KREMEN1: variants seen among roughly 807,000 people sequenced by gnomAD.
KREMEN1 encodes kringle containing transmembrane protein 1.
A neutral mutation model predicts 46.5 loss-of-function variants in KREMEN1; 30 were observed. The ratio of observed to expected loss-of-function variants is 0.65; its 90% CI spans 0.48 to 0.88. KREMEN1 has a LOEUF of 0.88. Among genes scored for constraint, KREMEN1 ranks in the 40% least tolerant of loss-of-function variants. The pLI, the probability that KREMEN1 is intolerant of heterozygous loss-of-function variation, is 0.00. For synonymous variants in KREMEN1, 214 were observed against 230.6 expected, an observed-to-expected ratio of 0.93 and a Z score of 0.65; for missense variants, 533 against 596.9, an observed-to-expected ratio of 0.89 and a Z score of 1.11.
chr22:29,102,622 T>C (rs1254491500), intron 3 of KREMEN1, among the ~76,000 whole-genome samples: 1 of 152,216 alleles, frequency 6.6e-6, no homozygotes, highest in Admixed American at 6.5e-5. Flanking sequence ...TAGGGACTGA[T>C]TCATGTGGTC....
chr22:29,087,024 A>G (rs1360106081), intron 1 of KREMEN1, among the ~76,000 whole-genome samples: 1 of 152,076 alleles, frequency 6.6e-6, no homozygotes, highest in Non-Finnish European at 1.5e-5. Flanking sequence ...TAGCCTCCCA[A>G]AGTTCTGGGA....
chr22:29,099,019 G>A, intron 3 of KREMEN1, 66 bp downstream of exon 3: 1 of 1,223,442 alleles, frequency 8.2e-7, no homozygotes, highest in Non-Finnish European at 1.2e-6. Context: ...GTAGAGGGAG[G>A]CCCCTGCCAG....
chr22:29,081,146 C>G (rs1022295122), intron 1 of KREMEN1, among the ~76,000 whole-genome samples: 9 of 152,000 alleles, frequency 5.9e-5, no homozygotes, highest in Non-Finnish European at 1.2e-4. Flanking sequence ...CCACTCCCCC[C>G]GTCCTTCTTT....
chr22:29,123,702 ATTGC>A (rs1479150370), intron 4 of KREMEN1, among the ~76,000 whole-genome samples: 2 of 152,186 alleles, frequency 1.3e-5, no homozygotes, highest in African/African-American at 2.4e-5. Context: ...AGACAGGACA[ATTGC>A]TTGCACCTGG....
Position 29,137,364 on chromosome 22 carries a change from G to T in KREMEN1, c.654G>T (p.Gly218=). 2 of 1,493,504 alleles carry T rather than the reference G, an allele frequency of 1.3e-6. No homozygotes were observed. The highest frequency in any genetic ancestry group is 1.8e-6 in the Non-Finnish European group (2 of 1,115,708). The allele number at this position is 1,493,504 out of a possible 1,614,324, so 92.5% of individuals were successfully genotyped here. Residue 218 remains glycine (G), a synonymous_variant, in exon 6 of 9, where the codon GGG becomes GGT. Coordinates refer to ENST00000400335, the MANE Select transcript of KREMEN1 (RefSeq NM_001039570.3). Reference sequence around the variant, plus strand: ...CAGCTCTCGTGGGCGCCTGCGGTGGGAACTACTCAGCCATGTCTTCTGTGG... The same window carrying T: ...CAGCTCTCGTGGGCGCCTGCGGTGGTAACTACTCAGCCATGTCTTCTGTGG... ...LFDTLVGACG[G]NYSAMSSVVY...
chr22:29,093,421 C>T (rs1298791940), intron 1 of KREMEN1, among the ~76,000 whole-genome samples: 3 of 152,218 alleles, frequency 2.0e-5, no homozygotes, highest in East Asian at 3.8e-4. Flanking sequence ...GTGCCTGTCT[C>T]ATGAACCTCT....
chr22:29,121,561 GC>G lies in KREMEN1; in HGVS notation c.477+81del. The G allele has an allele frequency of 6.0e-6, 9 of 1,497,376 alleles. No individual in the cohort carries two copies. The South Asian group carries it at 1.0e-4, about 17-fold the overall frequency. The allele number at this position is 1,497,376 out of a possible 1,614,324, so 92.8% of individuals were successfully genotyped here. ...TTGCTGAGATAACTTAAAAATAAGT[GC>G]TAAGTAAAATAAGCCAGACACAAAA... On this transcript the variant is annotated intron_variant, in intron 4 of 8. Transcript: ENST00000400335.
At chr22:29,091,651 A>C (rs1026235250) in intron 1 of KREMEN1, among the ~76,000 whole-genome samples, 4 of 152,196 alleles carry the variant, frequency 2.6e-5, no homozygotes, top group African/African-American at 9.6e-5. Context: ...GCCTTTCAGA[A>C]ATACAGGTTT....
At position 29,145,210 on chromosome 22, in the gene KREMEN1, G is replaced by T. The variant is rs2038837894; in HGVS notation, c.*3098G>T. On this transcript the variant is annotated 3_prime_UTR_variant, in exon 9 of 9. Transcript: ENST00000400335. ...CGTGGGCTTCCAGGAGCATGGAGGA[G>T]GTGGCACTTGAACTTTTAGGAAACT... The T allele has an allele frequency of 1.0e-6, 1 of 985,724 alleles. No individual in the cohort carries two copies. The allele number at this position is 985,724 out of a possible 1,614,324, so 61.1% of individuals were successfully genotyped here.
intron 1 of KREMEN1, 90 bp from the exon 2 acceptor site, chr22:29,094,168 G>T (rs2037842089): frequency 9.3e-7 from 1 of 1,077,820 alleles, no homozygotes; most frequent in Non-Finnish European, 1.4e-6. Flanking sequence ...TTTCCAGCTT[G>T]GTCCAAACAA....
At chr22:29,141,841 C>A in intron 8 of KREMEN1, 103 bp from the exon 9 acceptor site, 1 of 911,668 alleles carries the variant, frequency 1.1e-6, no homozygotes, top group Non-Finnish European at 1.6e-6. Flanking sequence ...AGGTCCTTCC[C>A]AAGACCTTGC....
chr22:29,131,550 ATATATATATATGTGTGTG>A (rs1569331090), intron 5 of KREMEN1, among the ~76,000 whole-genome samples: 1 of 62,684 alleles, frequency 1.6e-5, no homozygotes, highest in Admixed American at 1.8e-4. Flanking sequence ...ATATATATAT[ATATATATATATGTGTGTG>A]TGTGTGTGTG....
At chr22:29,134,181 A>C (rs2038619152) in intron 5 of KREMEN1, 1 of 151,382 alleles carries the variant, frequency 6.6e-6, no homozygotes, top group African/African-American at 2.4e-5. Context: ...TTTAAGAGAC[A>C]AGGTCTCACT....
chr22:29,133,566 G>T (rs2145837643), intron 5 of KREMEN1, among the ~76,000 whole-genome samples: 1 of 152,264 alleles, frequency 6.6e-6, no homozygotes, highest in Non-Finnish European at 1.5e-5. Context: ...CTCCCAAAGT[G>T]CTGGGATTAC....
chr22:29,161,301 A>G (rs1433998603), intron 9 of KREMEN1, among the ~76,000 whole-genome samples: 1 of 151,952 alleles, frequency 6.6e-6, no homozygotes, highest in East Asian at 1.9e-4. Context: ...AGGTCAGGAG[A>G]TCGAGACCAT....
At chr22:29,109,615 G>T (rs960877731) in intron 3 of KREMEN1, among the ~76,000 whole-genome samples, 1 of 152,168 alleles carries the variant, frequency 6.6e-6, no homozygotes, top group African/African-American at 2.4e-5. Flanking sequence ...GAGTAGAGGA[G>T]TGGACAAAAA....
chr22:29,140,062 C>T (rs1256257440), intron 7 of KREMEN1, among the ~76,000 whole-genome samples: 1 of 152,162 alleles, frequency 6.6e-6, no homozygotes, highest in Non-Finnish European at 1.5e-5. Context: ...CTGCCTCTCC[C>T]TGAGAGTGAC....
At chr22:29,137,207 T>C (rs891927858) in intron 5 of KREMEN1, 135 bp from the exon 6 acceptor site, 10 of 563,944 alleles carry the variant, frequency 1.8e-5, no homozygotes, top group African/African-American at 1.5e-4. Flanking sequence ...GTTTTGTGAC[T>C]GTCAGGTTTT....
At chr22:29,088,237 T>C (rs1320324137) in intron 1 of KREMEN1, among the ~76,000 whole-genome samples, 7 of 152,196 alleles carry the variant, frequency 4.6e-5, no homozygotes, top group Non-Finnish European at 8.8e-5. Flanking sequence ...CACATACTCA[T>C]GTTATCTTAC....
Sources: allele counts gnomAD v4.1 joint callset (sites outside exome capture counted in the v4.1 genomes callset), GRCh38; gene constraint gnomAD v4.1.1; transcripts MANE v1.5; gene names NCBI Gene and HGNC (gene_info 2026-07-23, HGNC 2026-07-21).